ADAMTS3: variants seen among roughly 807,000 people sequenced by gnomAD.
ADAMTS3 encodes the protein ADAM metallopeptidase with thrombospondin type 1 motif 3, also known as A disintegrin and metalloproteinase with thrombospondin motifs 3.
In ADAMTS3, 73 loss-of-function variants were observed where a neutral mutation model predicts 129.0. The observed-to-expected ratio is 0.57, with a 90% CI of 0.47 to 0.69. The LOEUF (loss-of-function observed/expected upper bound fraction) is 0.69. Among genes scored for constraint, ADAMTS3 ranks in the 30% least tolerant of loss-of-function variants. The pLI, the probability that ADAMTS3 is intolerant of heterozygous loss-of-function variation, is 0.00. For synonymous variants in ADAMTS3, 477 were observed against 510.8 expected (o/e 0.93, Z 0.89); for missense variants, 1,457 against 1,514.5 (o/e 0.96, Z 0.63).
chr4:72,317,845 G>C (rs1376024620), intron 10 of ADAMTS3, among the ~76,000 whole-genome samples: 1 of 152,000 alleles, frequency 6.6e-6, no homozygotes, highest in Non-Finnish European at 1.5e-5. Context: ...TGGCCAATAT[G>C]GTAAAACCCC....
At chr4:72,556,637 G>A (rs1721774750) in intron 2 of ADAMTS3, among the ~76,000 whole-genome samples, 6 of 151,874 alleles carry the variant, frequency 4.0e-5, no homozygotes, top group Admixed American at 3.3e-4. Context: ...AAGGTCTGGA[G>A]TCAGAAAGCA....
At chr4:72,456,420 T>TATA (rs1553916243) in intron 3 of ADAMTS3, among the ~76,000 whole-genome samples, 1 of 141,478 alleles carries the variant, frequency 7.1e-6, no homozygotes, top group Non-Finnish European at 1.5e-5. Context: ...AGTATATATA[T>TATA]AACATATATA....
At chr4:72,356,059 A>C (rs1720573925) in intron 4 of ADAMTS3, among the ~76,000 whole-genome samples, 1 of 152,044 alleles carries the variant, frequency 6.6e-6, no homozygotes, top group Non-Finnish European at 1.5e-5. Flanking sequence ...AAGGGAAAAC[A>C]TGTCAAAAAG....
chr4:72,555,517 C>G (rs1721741111), intron 2 of ADAMTS3, among the ~76,000 whole-genome samples: 1 of 151,800 alleles, frequency 6.6e-6, no homozygotes, highest in Non-Finnish European at 1.5e-5. Context: ...CCTGAGCTTC[C>G]ATAGCACTCC....
Position 72,290,975 on chromosome 4 carries a change from G to T in ADAMTS3, c.2811C>A (p.Leu937=). 1 of 1,614,070 alleles carries T rather than the reference G, an allele frequency of 6.2e-7. No individual in the cohort carries two copies. The highest frequency in any genetic ancestry group is 1.7e-4 in the Middle Eastern group (1 of 6,058). ...QLRTVRCLQP[L]LDGTNRSVHS... is the part of the protein sequence containing the mutation. Reference sequence around the variant, plus strand: ...GCACAGAGCGGTTGGTGCCATCAAGGAGTGGCTGAAGGCAGCGTACAGTGC... The same window carrying T: ...GCACAGAGCGGTTGGTGCCATCAAGTAGTGGCTGAAGGCAGCGTACAGTGC... Residue 937 remains leucine (L), a synonymous_variant, in exon 20 of 22, where the codon CTC becomes CTA. Coordinates refer to ENST00000286657, the MANE Select transcript of ADAMTS3 (RefSeq NM_014243.3).
At chr4:72,348,696 G>A (rs1720351125) in intron 4 of ADAMTS3, among the ~76,000 whole-genome samples, 1 of 151,896 alleles carries the variant, frequency 6.6e-6, no homozygotes, top group Admixed American at 6.6e-5. Flanking sequence ...TGGCAGAAGG[G>A]AAAGTCAGAA....
chr4:72,492,613 T>G (rs1196592694), intron 3 of ADAMTS3, among the ~76,000 whole-genome samples: 1 of 151,784 alleles, frequency 6.6e-6, no homozygotes, highest in Non-Finnish European at 1.5e-5. Context: ...TTAAATTTGT[T>G]GAGATTTGTT....
rs527427630 is a variant in ADAMTS3 at position 72,542,456 on chromosome 4, G to A, written c.504+6022C>T. 9.2e-5 allele frequency among the ~76,000 whole-genome samples: 14 copies of A among 152,242 alleles called. No individual in the cohort carries two copies. In the South Asian group the frequency reaches 1.2e-3, roughly 14 times the overall value. On this transcript the variant is annotated intron_variant, in intron 3 of 21. Coordinates refer to ENST00000286657, the MANE Select transcript of ADAMTS3 (RefSeq NM_014243.3). ...TGGGATTACAGGCATGAGCCACTGC[G>A]CCCGGCCCCTGTTATCATTATTTTA... is the stretch of plus-strand genomic sequence containing the variant.
In ADAMTS3 at chr4:72,395,530, TA is replaced by T. The variant is rs769803900; in HGVS notation, c.661+19284del. ...AGTACCAGGCAATGGAGGACAAATATAAAAAATTTATATTTTATCCAATAGG... is the reference window on the plus strand; with the variant it reads ...AGTACCAGGCAATGGAGGACAAATATAAAAATTTATATTTTATCCAATAGG... On this transcript the variant is annotated intron_variant, in intron 4 of 21. Transcript: ENST00000286657. Among the ~76,000 whole-genome samples the T allele has an allele frequency of 2.6e-5, 4 of 152,228 alleles. No individual in the cohort carries two copies. In the East Asian group the frequency reaches 5.8e-4, roughly 22 times the overall value.
At position 72,498,336 on chromosome 4, in the gene ADAMTS3, C is replaced by CTCTA. The variant is rs775165575; in HGVS notation, c.504+50138_504+50141dup. On this transcript the variant is annotated intron_variant, in intron 3 of 21. Transcript: ENST00000286657. ...GCCATTGTATCAATGACATCACGAG[C>CTCTA]TCTACTCACAGTAATGTAAAAAAAA... Among the ~76,000 whole-genome samples the CTCTA allele has an allele frequency of 2.0e-5, 3 of 151,476 alleles. No individual in the cohort carries two copies. The South Asian group carries it at 6.3e-4, about 32-fold the overall frequency.
chr4:72,546,034 G>A (rs1721458947), intron 3 of ADAMTS3, among the ~76,000 whole-genome samples: 1 of 152,084 alleles, frequency 6.6e-6, no homozygotes, highest in African/African-American at 2.4e-5. Flanking sequence ...ACTAAAATAG[G>A]CATGGCAAGA....
At chr4:72,402,398 A>G (rs1356553638) in intron 4 of ADAMTS3, among the ~76,000 whole-genome samples, 1 of 152,228 alleles carries the variant, frequency 6.6e-6, no homozygotes, top group African/African-American at 2.4e-5. Context: ...TAAATAAATG[A>G]TAACAATAAC....
At chr4:72,323,532 G>C (rs1304396452) in intron 5 of ADAMTS3, among the ~76,000 whole-genome samples, 3 of 152,154 alleles carry the variant, frequency 2.0e-5, no homozygotes, top group Non-Finnish European at 4.4e-5. Flanking sequence ...GGGGTGCTAC[G>C]TCTGGTTGAG....
At chr4:72,482,130 A>G (rs576855542) in intron 3 of ADAMTS3, among the ~76,000 whole-genome samples, 1 of 152,172 alleles carries the variant, frequency 6.6e-6, no homozygotes, top group African/African-American at 2.4e-5. Flanking sequence ...ATTATCATAC[A>G]ATCCAGAAAT....
intron 3 of ADAMTS3, among the ~76,000 whole-genome samples, chr4:72,525,356 G>A (rs1184328908): frequency 6.6e-6 from 1 of 152,184 alleles, no homozygotes; most frequent in South Asian, 2.1e-4. Flanking sequence ...AATTATTAGA[G>A]GGACATTTGA....
In ADAMTS3 at chr4:72,311,196, G is replaced by T; in HGVS notation, c.1922-15C>A. The T allele has an allele frequency of 6.3e-7, 1 of 1,599,774 alleles. No individual in the cohort carries two copies. Reference sequence around the variant, plus strand: ...TCTTTTCTTGGCTGCATAAGATGGAGGATAAAATTAACTATTTACATAAAA... The same window carrying T: ...TCTTTTCTTGGCTGCATAAGATGGATGATAAAATTAACTATTTACATAAAA... On this transcript the variant is annotated splice_polypyrimidine_tract_variant and intron_variant, in intron 13 of 21. Coordinates refer to ENST00000286657, the MANE Select transcript of ADAMTS3 (RefSeq NM_014243.3).
At chr4:72,543,423 T>C (rs1433306203) in intron 3 of ADAMTS3, among the ~76,000 whole-genome samples, 1 of 152,168 alleles carries the variant, frequency 6.6e-6, no homozygotes. Context: ...CTCATGTTAA[T>C]GGCAGCATTA....
At chr4:72,545,998 T>A (rs1044488151) in intron 3 of ADAMTS3, among the ~76,000 whole-genome samples, 2 of 152,174 alleles carry the variant, frequency 1.3e-5, no homozygotes, top group Non-Finnish European at 2.9e-5. Context: ...GTGGACTTTT[T>A]AAAAAGTGCC....
intron 3 of ADAMTS3, among the ~76,000 whole-genome samples, chr4:72,547,400 G>A (rs1721494182): frequency 6.6e-6 from 1 of 152,134 alleles, no homozygotes; most frequent in Admixed American, 6.6e-5. Flanking sequence ...GAAACTCACT[G>A]AGTAATATCT....
Sources: gnomAD v4.1 joint callset for allele counts (sites outside exome capture counted in the v4.1 genomes callset) on GRCh38, gnomAD v4.1.1 for gene constraint, MANE v1.5 for transcripts, NCBI Gene and HGNC (gene_info 2026-07-23, HGNC 2026-07-21) for gene names.